The following SPTA1 variants were observed in gnomAD, a reference collection of about 807,000 sequenced individuals.
SPTA1 encodes spectrin alpha chain, erythrocytic 1.
Under a neutral mutation model 324.7 loss-of-function variants are expected in SPTA1, and 177 were observed. The ratio of observed to expected loss-of-function variants is 0.55; its 90% CI spans 0.48 to 0.62. The LOEUF is 0.62. SPTA1 is among the 20% of genes least tolerant of loss of function. The pLI, the probability that SPTA1 is intolerant of heterozygous loss-of-function variation, is 0.00. For synonymous variants in SPTA1, 1,195 were observed against 1,041.3 expected (o/e 1.15, Z -2.84); for missense variants, 3,162 against 2,883.6 (o/e 1.10, Z -2.21).
At position 158,686,633 on chromosome 1, in the gene SPTA1, T is replaced by C. The variant is rs1262088666; in HGVS notation, c.-116A>G. On this transcript the variant is annotated 5_prime_UTR_variant, in exon 1 of 52. The change creates a new upstream start codon in the 5' untranslated region. Transcript: ENST00000643759. ...CAAATAGAAATATAGAAACGTTAAGTATGTGGGGGAAAAAAAAAAACCTCT... is the reference window on the plus strand; with the variant it reads ...CAAATAGAAATATAGAAACGTTAAGCATGTGGGGGAAAAAAAAAAACCTCT... The C allele has an allele frequency of 2.9e-5, 22 of 755,602 alleles. No homozygotes were observed. Among genetic ancestry groups the C allele is most frequent in the Non-Finnish European group, 8.7e-6 (4 of 460,500 alleles). 46.8% of individuals were successfully genotyped at this position (755,602 alleles called of 1,614,324 possible). A position where few individuals can be genotyped will look rare whatever the true frequency, so the allele number is the denominator to read the frequency against.
chr1:158,672,014 G>A (rs1483195281), intron 11 of SPTA1, 45 bp downstream of exon 11: 4 of 1,611,518 alleles, frequency 2.5e-6, no homozygotes, highest in Non-Finnish European at 2.5e-6. Context: ...CAAATGAAGG[G>A]TGAGAGAAAT....
chr1:158,652,369 AT>A, intron 23 of SPTA1, 97 bp downstream of exon 23: 3 of 1,397,314 alleles, frequency 2.1e-6, no homozygotes, highest in Non-Finnish European at 3.0e-6. Context: ...TGGGGAGAAT[AT>A]TTAACAAGTG....
In SPTA1 at chr1:158,619,474, A is replaced by G. The variant is rs977660135; in HGVS notation, c.6418-140T>C. The G allele has an allele frequency of 4.4e-5, 36 of 823,992 alleles. No individual in the cohort carries two copies. In the African/African-American group the frequency reaches 5.8e-4, roughly 13 times the overall value. The allele number at this position is 823,992 out of a possible 1,614,324, so 51.0% of individuals were successfully genotyped here. On this transcript the variant is annotated intron_variant, in intron 44 of 51. Transcript: ENST00000643759. ...TCCACAGGTATGTGCCTGTGTGCTC[A>G]TATTTCATGCAGTCAACCTCTCTCA... is the stretch of plus-strand genomic sequence containing the variant.
intron 14 of SPTA1, 26 bp from the exon 15 acceptor site, chr1:158,668,088 A>C (rs763129810): frequency 2.8e-5 from 44 of 1,594,930 alleles, no homozygotes; most frequent in Non-Finnish European, 3.5e-5. Flanking sequence ...AAAAAAAAAA[A>C]AAACCATTAC....
Position 158,653,320 on chromosome 1 carries a change from C to T in SPTA1, c.3142G>A (p.Glu1048Lys), listed in dbSNP as rs1381027242. 2 of 1,614,128 alleles carry T rather than the reference C, an allele frequency of 1.2e-6. No homozygotes were observed. The highest frequency in any genetic ancestry group is 2.2e-5 in the South Asian group (2 of 91,074). The change falls in exon 22 of 52, where the codon GAA becomes AAA. Residue 1048 changes from glutamate (E) to lysine (K), a missense_variant. Coordinates refer to ENST00000643759, the MANE Select transcript of SPTA1 (RefSeq NM_003126.4). ...CGCTGGGTGATGTTTCCTGGCTCTT[C>T]TCGTCGCCGCTGTGGGAGCATCGGG... ...EFPMLPQRRR[E>K]EPGNITQRQE...
At chr1:158,673,599 C>T (rs1224040877) in intron 10 of SPTA1, among the ~76,000 whole-genome samples, 3 of 152,204 alleles carry the variant, frequency 2.0e-5, no homozygotes, top group Non-Finnish European at 2.9e-5. Flanking sequence ...AGAACATGCA[C>T]AGATGTCAAC....
intron 42 of SPTA1, among the ~76,000 whole-genome samples, chr1:158,623,567 T>C (rs1254940964): frequency 6.6e-6 from 1 of 152,280 alleles, no homozygotes; most frequent in South Asian, 2.1e-4. Context: ...GAGTGAGTTC[T>C]CACAAGATCT....
At chr1:158,680,403 C>A (rs1001955052) in intron 5 of SPTA1, among the ~76,000 whole-genome samples, 180 bp downstream of exon 5, 1 of 152,094 alleles carries the variant, frequency 6.6e-6, no homozygotes, top group Admixed American at 6.6e-5. Flanking sequence ...TTTCAATAGA[C>A]TTGTAAGGGG....
In SPTA1 at chr1:158,646,968, C is replaced by A. The variant is rs576791944; in HGVS notation, c.3896+571G>T. On this transcript the variant is annotated intron_variant, in intron 27 of 51. Coordinates refer to ENST00000643759, the MANE Select transcript of SPTA1 (RefSeq NM_003126.4). ...ATTCACAGTTCTCTGGAATTTGGTC[C>A]CAATATTATTTTTAAGTTTATCTCT... Among the ~76,000 whole-genome samples the A allele has an allele frequency of 4.6e-5, 7 of 152,102 alleles. No homozygotes were observed. The South Asian group carries it at 1.2e-3, about 27-fold the overall frequency.
chr1:158,654,356 T>C (rs1368916009), intron 21 of SPTA1, among the ~76,000 whole-genome samples: 1 of 152,212 alleles, frequency 6.6e-6, no homozygotes, highest in Non-Finnish European at 1.5e-5. Context: ...TCATACTTTC[T>C]ATATCTTTGG....
intron 15 of SPTA1, among the ~76,000 whole-genome samples, chr1:158,667,400 TCAA>T (rs1406846466): frequency 6.6e-6 from 1 of 152,206 alleles, no homozygotes; most frequent in Non-Finnish European, 1.5e-5. Context: ...TTTAAAAAGA[TCAA>T]CAAGTCATCA....
intron 35 of SPTA1, chr1:158,639,346 T>A (rs1286637043): frequency 3.0e-5 from 17 of 560,740 alleles, no homozygotes; most frequent in Non-Finnish European, 5.1e-5. Flanking sequence ...AAAGATAGTT[T>A]CCCAGGTCCA....
intron 14 of SPTA1, 114 bp downstream of exon 14, chr1:158,669,294 A>G (rs1653830569): frequency 2.9e-6 from 4 of 1,402,138 alleles, no homozygotes; most frequent in Non-Finnish European, 4.0e-6. Context: ...CTGTTTTGTC[A>G]TCTATAAAAT....
rs376695662 is a variant in SPTA1, at chr1:158,627,673, C to T, written c.5616G>A (p.Glu1872=). The T allele has an allele frequency of 6.2e-7, 1 of 1,613,302 alleles. No individual in the cohort carries two copies. The highest frequency in any genetic ancestry group is 1.7e-5 in the Admixed American group (1 of 59,990). The change falls in exon 40 of 52, where the codon GAG becomes GAA. Residue 1872 remains glutamate, a synonymous_variant. Coordinates refer to ENST00000643759, the MANE Select transcript of SPTA1 (RefSeq NM_003126.4). ...GTGCACACACATTTTGTACTCGGGT[C>T]TCATGGACAGCAAAGTCATTTTCCA... ...EALENDFAVH[E]TRVQNVCAQG...
chr1:158,616,931 C>T (rs1307242320), intron 47 of SPTA1, among the ~76,000 whole-genome samples: 1 of 151,978 alleles, frequency 6.6e-6, no homozygotes, highest in East Asian at 1.9e-4. Flanking sequence ...CACTTTAACT[C>T]AAGTGAGATG....
At chr1:158,633,174 A>G (rs1400247384) in intron 39 of SPTA1, among the ~76,000 whole-genome samples, 1 of 152,178 alleles carries the variant, frequency 6.6e-6, no homozygotes, top group African/African-American at 2.4e-5. Flanking sequence ...AAGAGGCAGG[A>G]AGAGGAGGTG....
At position 158,686,660 on chromosome 1, in the gene SPTA1, G is replaced by A; in HGVS notation, c.-143C>T. On this transcript the variant is annotated 5_prime_UTR_variant, in exon 1 of 52. Coordinates refer to ENST00000643759, the MANE Select transcript of SPTA1 (RefSeq NM_003126.4). ...TGTGGGGGAAAAAAAAAAACCTCTT[G>A]CTTGGTCCTAGAATCCCATCAGCCA... 1 of 671,952 alleles carries A rather than the reference G, an allele frequency of 1.5e-6. No homozygotes were observed. The allele number at this position is 671,952 out of a possible 1,614,324, so 41.6% of individuals were successfully genotyped here. A position where few individuals can be genotyped will look rare whatever the true frequency, so the allele number is the denominator to read the frequency against.
Position 158,617,957 on chromosome 1 carries a change from T to C in SPTA1, c.6548+82A>G, listed in dbSNP as rs1176660846. The stretch of plus-strand genomic sequence containing the variant: ...CTACCAGATTACAATGGAATGAAAA[T>C]GTCTCAGCACTAACTCTTTCTTAAC... On this transcript the variant is annotated intron_variant, in intron 46 of 51. Transcript: ENST00000643759. 2.3e-6 allele frequency: 3 copies of C among 1,309,026 alleles called. No individual in the cohort carries two copies. The African/African-American group carries it at 4.3e-5, about 19-fold the overall frequency. The allele number at this position is 1,309,026 out of a possible 1,614,324, so 81.1% of individuals were successfully genotyped here. A position where few individuals can be genotyped will look rare whatever the true frequency, so the allele number is the denominator to read the frequency against.
Position 158,686,637 on chromosome 1 carries a change from T to G in SPTA1, c.-120A>C. The G allele has an allele frequency of 1.4e-6, 1 of 716,030 alleles. No homozygotes were observed. 44.4% of individuals were successfully genotyped at this position (716,030 alleles called of 1,614,324 possible). A position where few individuals can be genotyped will look rare whatever the true frequency, so the allele number is the denominator to read the frequency against. On this transcript the variant is annotated 5_prime_UTR_variant, in exon 1 of 52. Transcript: ENST00000643759. ...TAGAAATATAGAAACGTTAAGTATG[T>G]GGGGGAAAAAAAAAAACCTCTTGCT...
Sources: allele counts gnomAD v4.1 joint callset (sites outside exome capture counted in the v4.1 genomes callset), GRCh38; gene constraint gnomAD v4.1.1; transcripts MANE v1.5; gene names NCBI Gene and HGNC (gene_info 2026-07-23, HGNC 2026-07-21).